Variants in EPG5 observed in about 807,000 individuals in gnomAD.
EPG5 encodes ectopic P-granules 5 autophagy tethering factor.
In EPG5, 159 loss-of-function variants were observed where a neutral mutation model predicts 302.7. The ratio of observed to expected loss-of-function variants is 0.53; its 90% CI spans 0.46 to 0.60. The LOEUF (loss-of-function observed/expected upper bound fraction) is 0.60. Ranked by LOEUF, EPG5 falls within the 20% of genes least tolerant of loss-of-function variation. The probability of loss-of-function intolerance (pLI) is 0.00; values close to 1 mark genes in which losing one functional copy is unlikely to be tolerated. For missense variants in EPG5, 2,896 were observed against 3,092.4 expected (o/e 0.94, Z 1.51); for synonymous variants, 1,158 against 1,136.8 (o/e 1.02, Z -0.37).
At chr18:45,926,526 G>A (rs2050271999) in intron 13 of EPG5, among the ~76,000 whole-genome samples, 1 of 152,146 alleles carries the variant, frequency 6.6e-6, no homozygotes. Flanking sequence ...ATCCAAGTGT[G>A]CAAATTAAGA....
At chr18:45,845,470 C>A (rs903263702), downstream of EPG5, among the ~76,000 whole-genome samples, 4 of 152,196 alleles carry the variant, frequency 2.6e-5, no homozygotes, top group Non-Finnish European at 5.9e-5. Context: ...CCCAGACCCT[C>A]TGGGCTGCTC....
chr18:45,870,471 GCA>G (rs2048845072), intron 36 of EPG5, 94 bp downstream of exon 36: 19 of 1,096,142 alleles, frequency 1.7e-5, no homozygotes, highest in Non-Finnish European at 2.2e-5. Context: ...GTCCACGCTA[GCA>G]CACACTGCCA....
chr18:45,962,613 G>C (rs918095318), intron 1 of EPG5, among the ~76,000 whole-genome samples: 4 of 152,116 alleles, frequency 2.6e-5, no homozygotes, highest in African/African-American at 4.8e-5. Context: ...TAGCAGCCGA[G>C]GTTAGCTATC....
At chr18:45,898,460 G>A (rs1188885873) in intron 27 of EPG5, among the ~76,000 whole-genome samples, 3 of 152,224 alleles carry the variant, frequency 2.0e-5, no homozygotes, top group Non-Finnish European at 4.4e-5. Context: ...TAGCTTCAGC[G>A]AAGCTTCCAT....
chr18:45,841,653 C>G, the EPG5 span, among the ~76,000 whole-genome samples: 1 of 152,266 alleles, frequency 6.6e-6, no homozygotes, highest in South Asian at 2.1e-4. Flanking sequence ...GGGAGCCAGG[C>G]TGCCGGGGTT....
At chr18:45,903,896 G>T in intron 25 of EPG5, 77 bp downstream of exon 25, 1 of 1,412,212 alleles carries the variant, frequency 7.1e-7, no homozygotes, top group Non-Finnish European at 9.4e-7. Flanking sequence ...AATAAAGTAT[G>T]TCAGCCTCAA....
At chr18:45,909,303 G>A (rs2049835881) in intron 23 of EPG5, among the ~76,000 whole-genome samples, 1 of 152,180 alleles carries the variant, frequency 6.6e-6, no homozygotes, top group Non-Finnish European at 1.5e-5. Context: ...AGGCAGAAAG[G>A]AATATCAAAG....
At chr18:45,876,437 G>C in intron 34 of EPG5, 95 bp from the exon 35 acceptor site, 1 of 914,876 alleles carries the variant, frequency 1.1e-6, no homozygotes, top group Non-Finnish European at 1.8e-6. Context: ...CTGGAAGCCT[G>C]TCCATTATGT....
chr18:45,894,920 T>A (rs2049437439), intron 27 of EPG5, among the ~76,000 whole-genome samples: 1 of 152,094 alleles, frequency 6.6e-6, no homozygotes, highest in East Asian at 1.9e-4. Flanking sequence ...TGTGATCAGA[T>A]CTATGTTTCA....
At chr18:45,840,120 AC>A in the EPG5 span, 1 of 1,439,288 alleles carries the variant, frequency 6.9e-7, no homozygotes, top group Admixed American at 1.8e-5. Flanking sequence ...TTTCCTCGAG[AC>A]CCCTTCCACA....
chr18:45,831,987 C>T, the EPG5 span, among the ~76,000 whole-genome samples: 2 of 152,254 alleles, frequency 1.3e-5, no homozygotes, highest in Non-Finnish European at 2.9e-5. Flanking sequence ...CTGCCTCGGC[C>T]TCCCAAAGTG....
At chr18:45,858,806 C>T (rs554590018) in intron 40 of EPG5, 24 bp from the exon 41 acceptor site, 1 of 1,516,952 alleles carries the variant, frequency 6.6e-7, no homozygotes, top group Non-Finnish European at 9.2e-7. Flanking sequence ...GAAGAGACAT[C>T]AAGATATAGG....
At chr18:45,962,134 T>A (rs532464805) in intron 1 of EPG5, among the ~76,000 whole-genome samples, 1 of 152,270 alleles carries the variant, frequency 6.6e-6, no homozygotes, top group Admixed American at 6.5e-5. Flanking sequence ...TCAATGAGTG[T>A]TTGTTTAATA....
In EPG5 at chr18:45,915,578, A is replaced by G. The variant is rs763623673; in HGVS notation, c.3626T>C (p.Leu1209Ser). Residue 1209 changes from leucine (L) to serine (S), a missense_variant, in exon 20 of 44, where the codon TTG becomes TCG. Physicochemically the swap from Leu to Ser is moderately radical, Grantham distance 145. Coordinates refer to ENST00000282041, the MANE Select transcript of EPG5 (RefSeq NM_020964.3). ...GTTGCCTGCCACAATCCAGCTTACCAAAGATGAGAGCAGACTCCGGTCACA... is the reference window on the plus strand; with the variant it reads ...GTTGCCTGCCACAATCCAGCTTACCGAAGATGAGAGCAGACTCCGGTCACA... ...YHCDRSLLSS[L>S]VSWIVAGNIT... is the part of the protein sequence containing the mutation. 2 of 1,614,218 alleles carry G rather than the reference A, an allele frequency of 1.2e-6. No homozygotes were observed. Among genetic ancestry groups the G allele is most frequent in the Non-Finnish European group, 1.7e-6 (2 of 1,180,036 alleles).
intron 43 of EPG5, among the ~76,000 whole-genome samples, chr18:45,853,068 C>G (rs538906266): frequency 6.6e-6 from 1 of 152,334 alleles, no homozygotes; most frequent in East Asian, 1.9e-4. Context: ...CGTTCTAGGG[C>G]GCAACCGGAA....
At chr18:45,964,364 T>G (rs2051205530) in intron 1 of EPG5, among the ~76,000 whole-genome samples, 1 of 152,206 alleles carries the variant, frequency 6.6e-6, no homozygotes, top group South Asian at 2.1e-4. Context: ...ACGAACTGCA[T>G]GACACTGAGC....
rs2048610564 is a variant in EPG5, at chr18:45,860,413, T to A, written c.6767-67A>T. The A allele has an allele frequency of 5.0e-6, 8 of 1,591,876 alleles. No homozygotes were observed. The South Asian group carries it at 8.9e-5, about 18-fold the overall frequency. On this transcript the variant is annotated intron_variant, in intron 39 of 43. Coordinates refer to ENST00000282041, the MANE Select transcript of EPG5 (RefSeq NM_020964.3). ...GGTACTATCCATGTGATCAGGAGAATAACAGTGCTTCAATCTTAGCTGTTC... is the reference window on the plus strand; with the variant it reads ...GGTACTATCCATGTGATCAGGAGAAAAACAGTGCTTCAATCTTAGCTGTTC...
At chr18:45,878,879 G>A in intron 33 of EPG5, 134 bp downstream of exon 33, 1 of 675,302 alleles carries the variant, frequency 1.5e-6, no homozygotes. Context: ...ACACATATAT[G>A]GGCTCATGCC....
At position 45,967,305 on chromosome 18, in the gene EPG5, G is replaced by C; in HGVS notation, c.-66C>G. 7.0e-7 allele frequency: 1 copy of C among 1,437,776 alleles called. No homozygotes were observed. Among genetic ancestry groups the C allele is most frequent in the Admixed American group, 2.5e-5 (1 of 39,846 alleles). 89.1% of individuals were successfully genotyped at this position (1,437,776 alleles called of 1,614,324 possible). ...CCCCTGCGCTTCAAGCAACCTGCCC[G>C]GTTCTGGCCTCCGGACTGTCACATG... On this transcript the variant is annotated 5_prime_UTR_variant, in exon 1 of 44. Coordinates refer to ENST00000282041, the MANE Select transcript of EPG5 (RefSeq NM_020964.3).
Sources: allele counts gnomAD v4.1 joint callset (sites outside exome capture counted in the v4.1 genomes callset), GRCh38; gene constraint gnomAD v4.1.1; transcripts MANE v1.5; gene names NCBI Gene and HGNC (gene_info 2026-07-23, HGNC 2026-07-21).